TBC1D20: variants seen among roughly 807,000 people sequenced by gnomAD.
TBC1D20 encodes the protein TBC1 domain family member 20.
In TBC1D20, 12 loss-of-function variants were observed where a neutral mutation model predicts 41.6. The ratio of observed to expected loss-of-function variants is 0.29; its 90% CI spans 0.18 to 0.47. TBC1D20 has a LOEUF of 0.47. TBC1D20 is among the 20% of genes least tolerant of loss of function. The pLI, the probability that TBC1D20 is intolerant of heterozygous loss-of-function variation, is 1.00. For synonymous variants in TBC1D20, 205 were observed against 204.8 expected (o/e 1.00, Z -0.01); for missense variants, 421 against 517.4 (o/e 0.81, Z 1.81).
intron 1 of TBC1D20, among the ~76,000 whole-genome samples, chr20:449,358 A>T (rs1424940577): frequency 6.9e-6 from 1 of 144,080 alleles, no homozygotes; most frequent in Non-Finnish European, 1.5e-5. Flanking sequence ...GCACTTTGGG[A>T]GGCCGAAGTG....
At chr20:443,047 C>G (rs968358686) in intron 3 of TBC1D20, among the ~76,000 whole-genome samples, 1 of 152,082 alleles carries the variant, frequency 6.6e-6, no homozygotes, top group African/African-American at 2.4e-5. Context: ...TTGCAGTGAG[C>G]TGAGATCGTG....
At position 440,377 on chromosome 20, in the gene TBC1D20, C is replaced by A. The variant is rs972764015; in HGVS notation, c.639G>T (p.Gly213=). The A allele has an allele frequency of 1.9e-6, 3 of 1,614,082 alleles. No homozygotes were observed. Among genetic ancestry groups the A allele is most frequent in the South Asian group, 1.1e-5 (1 of 91,052 alleles). ...TGAGCCAGCTGAGGGCAAAGATGGTCCCTACCTCAGCACTAGAAACAAAGG... is the reference window on the plus strand; with the variant it reads ...TGAGCCAGCTGAGGGCAAAGATGGTACCTACCTCAGCACTAGAAACAAAGG... ...LHDFMQSAEV[G]TIFALSWLIT... The change falls in exon 6 of 8, where the codon GGG becomes GGT. Residue 213 remains glycine (G), a synonymous_variant. Transcript: ENST00000354200.
At chr20:446,676 T>C (rs2017338717) in intron 2 of TBC1D20, among the ~76,000 whole-genome samples, 1 of 152,046 alleles carries the variant, frequency 6.6e-6, no homozygotes, top group African/African-American at 2.4e-5. Context: ...TAATTTTACT[T>C]TACTTTTAGA....
At chr20:440,607 C>A in intron 5 of TBC1D20, 1 of 526,926 alleles carries the variant, frequency 1.9e-6, no homozygotes, top group Non-Finnish European at 3.2e-6. Context: ...GCTGCTTTAT[C>A]TCACTGGGTG....
At chr20:446,119 A>G (rs2017326806) in intron 2 of TBC1D20, among the ~76,000 whole-genome samples, 1 of 152,270 alleles carries the variant, frequency 6.6e-6, no homozygotes, top group Non-Finnish European at 1.5e-5. Flanking sequence ...AAGAATCCTC[A>G]GCACTTGGCA....
intron 1 of TBC1D20, among the ~76,000 whole-genome samples, chr20:454,708 G>A (rs964097675): frequency 4.6e-5 from 7 of 151,366 alleles, no homozygotes; most frequent in Admixed American, 3.9e-4. Flanking sequence ...GTCTTGCTTT[G>A]TCTCCCAGGC....
chr20:446,838 C>T (rs549630544), intron 2 of TBC1D20, among the ~76,000 whole-genome samples: 3 of 151,928 alleles, frequency 2.0e-5, no homozygotes, highest in Non-Finnish European at 4.4e-5. Context: ...CGCAATGTTG[C>T]CCATGCTGGC....
intron 7 of TBC1D20, 53 bp from the exon 8 acceptor site, chr20:438,894 A>G (rs1050431375): frequency 6.3e-7 from 1 of 1,599,292 alleles, no homozygotes; most frequent in African/African-American, 1.3e-5. Context: ...GGAGGAGGAA[A>G]GCAAAACTAC....
chr20:453,499 C>T (rs1226999445), intron 1 of TBC1D20, among the ~76,000 whole-genome samples: 3 of 144,492 alleles, frequency 2.1e-5, no homozygotes, highest in East Asian at 2.0e-4. Flanking sequence ...ACAACAACAA[C>T]GACAGCAACC....
intron 1 of TBC1D20, among the ~76,000 whole-genome samples, chr20:461,444 C>G (rs1442650715): frequency 6.6e-6 from 1 of 152,192 alleles, no homozygotes; most frequent in African/African-American, 2.4e-5. Flanking sequence ...AGAGTAGCCT[C>G]TAAGTCCTGG....
Position 439,444 on chromosome 20 carries a change from A to G in TBC1D20, c.769-149T>C, listed in dbSNP as rs2017184378. ...AGCAAACTCTTGTATCCATCAAGGA[A>G]GTAATAACATATATACGCTCAGTGC... On this transcript the variant is annotated intron_variant, in intron 6 of 7. Transcript: ENST00000354200. This position sits in a 1 kb window ranked among gnomAD's most constrained non-coding sequence, Gnocchi z 4.6. The G allele has an allele frequency of 1.6e-6, 1 of 611,860 alleles. No individual in the cohort carries two copies. The highest frequency in any genetic ancestry group is 3.2e-5 in the Admixed American group (1 of 31,092). The allele number at this position is 611,860 out of a possible 1,614,324, so 37.9% of individuals were successfully genotyped here.
intron 5 of TBC1D20, chr20:440,591 G>C (rs2017209164): frequency 3.4e-6 from 2 of 594,932 alleles, no homozygotes; most frequent in Non-Finnish European, 5.4e-6. Context: ...CCACAACAGG[G>C]TCCTGGCTGC....
At chr20:452,795 T>C (rs2017468150) in intron 1 of TBC1D20, among the ~76,000 whole-genome samples, 2 of 152,194 alleles carry the variant, frequency 1.3e-5, no homozygotes, top group Non-Finnish European at 2.9e-5. Flanking sequence ...ACCAAGCATC[T>C]TCCCCAGCAA....
In TBC1D20 at chr20:438,506, A is replaced by C. The variant is rs1243476054; in HGVS notation, c.*80T>G. 1 of 1,504,572 alleles carries C rather than the reference A, an allele frequency of 6.6e-7. No individual in the cohort carries two copies. The highest frequency in any genetic ancestry group is 1.4e-5 in the African/African-American group (1 of 71,508). The allele number at this position is 1,504,572 out of a possible 1,614,324, so 93.2% of individuals were successfully genotyped here. On this transcript the variant is annotated 3_prime_UTR_variant, in exon 8 of 8. Transcript: ENST00000354200. ...ACTCTGGACAGAAACCCTTTTAATAAAGGAAATTCCACCCCTCCCAATCCT... is the reference window on the plus strand; with the variant it reads ...ACTCTGGACAGAAACCCTTTTAATACAGGAAATTCCACCCCTCCCAATCCT...
chr20:444,520 A>G (rs1243764311), intron 3 of TBC1D20, among the ~76,000 whole-genome samples: 1 of 152,176 alleles, frequency 6.6e-6, no homozygotes, highest in Non-Finnish European at 1.5e-5. Flanking sequence ...TCTTCCTGAA[A>G]TAAAGAGGTA....
intron 5 of TBC1D20, chr20:440,668 T>C: frequency 2.9e-6 from 1 of 343,680 alleles, no homozygotes; most frequent in Non-Finnish European, 5.3e-6. Context: ...AGCAGTTGTT[T>C]TCAGAGAACT....
At chr20:449,398 C>T (rs886091471) in intron 1 of TBC1D20, among the ~76,000 whole-genome samples, 3 of 151,238 alleles carry the variant, frequency 2.0e-5, no homozygotes, top group Non-Finnish European at 2.9e-5. Flanking sequence ...AGTTCGAGAC[C>T]AGCCTGGCCA....
chr20:454,381 G>C (rs1296987624), intron 1 of TBC1D20, among the ~76,000 whole-genome samples: 1 of 152,166 alleles, frequency 6.6e-6, no homozygotes, highest in Non-Finnish European at 1.5e-5. Flanking sequence ...CAGGGGCTGG[G>C]ATGAAGGGTA....
rs563144376 is a variant in TBC1D20 at position 440,219 on chromosome 20, C to G, written c.768+29G>C. The G allele has an allele frequency of 6.2e-6, 10 of 1,607,676 alleles. No homozygotes were observed. In the South Asian group the frequency reaches 1.0e-4, roughly 16 times the overall value. On this transcript the variant is annotated intron_variant, in intron 6 of 7. Coordinates refer to ENST00000354200, the MANE Select transcript of TBC1D20 (RefSeq NM_144628.4). ...CACAGTGGGATGGGTGATGGTGAAC[C>G]CAGCTGCTGGCTCGTGGCCTGTACC...
Sources: allele counts gnomAD v4.1 joint callset (sites outside exome capture counted in the v4.1 genomes callset), GRCh38; gene constraint gnomAD v4.1.1; non-coding constraint Gnocchi (gnomAD v3.1); transcripts MANE v1.5; gene names NCBI Gene and HGNC (gene_info 2026-07-23, HGNC 2026-07-21).